Variants in BRD10 observed in about 807,000 individuals in gnomAD.
The protein encoded by BRD10 is uncharacterized bromodomain-containing protein 10.
the BRD10 span, among the ~76,000 whole-genome samples, chr9:5,991,788 C>T: frequency 1.3e-5 from 2 of 150,302 alleles, no homozygotes; most frequent in African/African-American, 2.4e-5. Flanking sequence ...CCTCCAAAGT[C>T]TTTCAGTTAG....
At chr9:5,945,860 G>C in the BRD10 span, among the ~76,000 whole-genome samples, 36,875 of 151,648 alleles carry the variant, frequency 0.24, 4,636 homozygotes, top group South Asian at 0.34. Flanking sequence ...AAAAATCTCA[G>C]ATTAATGAAA....
the BRD10 span, among the ~76,000 whole-genome samples, chr9:5,915,040 T>G: frequency 3.3e-5 from 5 of 152,244 alleles, no homozygotes; most frequent in African/African-American, 1.2e-4. Flanking sequence ...TTAGTATTTT[T>G]ATTAGTTTAG....
At chr9:5,920,099 A>G in the BRD10 span, 3 of 1,613,908 alleles carry the variant, frequency 1.9e-6, no homozygotes, top group Non-Finnish European at 2.5e-6. Context: ...AGAGTTTATA[A>G]ATTTTGTAGG....
the BRD10 span, among the ~76,000 whole-genome samples, chr9:5,913,572 A>G: frequency 1.3e-5 from 2 of 152,208 alleles, no homozygotes; most frequent in African/African-American, 4.8e-5. Flanking sequence ...GACAACTTGA[A>G]AACATAAAGA....
the BRD10 span, among the ~76,000 whole-genome samples, chr9:5,882,988 A>G: frequency 2.0e-5 from 3 of 152,082 alleles, no homozygotes; most frequent in African/African-American, 7.2e-5. Flanking sequence ...GAAGGGGAAC[A>G]TCACACACCG....
chr9:5,946,558 A>C, the BRD10 span, among the ~76,000 whole-genome samples: 1 of 152,112 alleles, frequency 6.6e-6, no homozygotes, highest in East Asian at 1.9e-4. Flanking sequence ...TTAAGTATTC[A>C]GTGAGGACTA....
chr9:5,972,996 T>C, the BRD10 span, among the ~76,000 whole-genome samples: 1 of 151,838 alleles, frequency 6.6e-6, no homozygotes, highest in Non-Finnish European at 1.5e-5. Flanking sequence ...AAAAACACAA[T>C]CTAAAGGAAA....
chr9:5,910,643 A>C, the BRD10 span: 1 of 152,240 alleles, frequency 6.6e-6, no homozygotes, highest in Non-Finnish European at 1.5e-5. Context: ...TCTGTGGAAA[A>C]GGCTCTCCTC....
chr9:5,891,992 CTGTT>C, the BRD10 span, among the ~76,000 whole-genome samples: 12 of 152,346 alleles, frequency 7.9e-5, no homozygotes, highest in South Asian at 2.3e-3. Context: ...ATCATAGCCT[CTGTT>C]TGTCTGTGGG....
At chr9:5,911,075 G>C in the BRD10 span, among the ~76,000 whole-genome samples, 2 of 152,164 alleles carry the variant, frequency 1.3e-5, no homozygotes, top group African/African-American at 4.8e-5. Flanking sequence ...TTTGGCTTTG[G>C]ATGCCTGTGC....
At chr9:5,969,445 A>G in the BRD10 span, 3 of 1,483,666 alleles carry the variant, frequency 2.0e-6, no homozygotes, top group African/African-American at 4.3e-5. Flanking sequence ...GCCTAAAGAA[A>G]TTTAACAAAT....
chr9:5,965,317 CA>C, the BRD10 span, among the ~76,000 whole-genome samples: 16 of 144,346 alleles, frequency 1.1e-4, no homozygotes, highest in South Asian at 2.2e-4. Flanking sequence ...AAAATAAATT[CA>C]AAAAAAAAAC....
At chr9:5,969,926 A>T in the BRD10 span, among the ~76,000 whole-genome samples, 1 of 152,170 alleles carries the variant, frequency 6.6e-6, no homozygotes, top group Non-Finnish European at 1.5e-5. Flanking sequence ...TACACATATC[A>T]CTTCAGTCTG....
chr9:5,988,538 T>C, the BRD10 span: 1 of 1,612,634 alleles, frequency 6.2e-7, no homozygotes, highest in East Asian at 2.2e-5. Flanking sequence ...GTCTTTTCTC[T>C]CAAGTGCCTT....
the BRD10 span, among the ~76,000 whole-genome samples, chr9:5,995,618 G>A: frequency 2.6e-5 from 4 of 152,094 alleles, no homozygotes; most frequent in African/African-American, 9.7e-5. Flanking sequence ...TCTTCCCAGA[G>A]ATCTCCCAGT....
At chr9:5,905,777 A>G in the BRD10 span, among the ~76,000 whole-genome samples, 1 of 152,174 alleles carries the variant, frequency 6.6e-6, no homozygotes, top group African/African-American at 2.4e-5. Flanking sequence ...TTTTACCTAC[A>G]ATTCCTGTCT....
the BRD10 span, among the ~76,000 whole-genome samples, chr9:5,981,297 A>G: frequency 2.0e-5 from 3 of 152,202 alleles, no homozygotes; most frequent in African/African-American, 7.2e-5. Flanking sequence ...TCTTCTCAAA[A>G]CAGTCTCTCC....
the BRD10 span, among the ~76,000 whole-genome samples, chr9:5,965,935 A>G: frequency 1.3e-5 from 2 of 152,192 alleles, no homozygotes; most frequent in Non-Finnish European, 2.9e-5. Flanking sequence ...TGTTATTATA[A>G]CAGTTTATGT....
the BRD10 span, among the ~76,000 whole-genome samples, chr9:5,990,409 A>G: frequency 3.9e-5 from 6 of 152,376 alleles, no homozygotes; most frequent in South Asian, 1.2e-3. Context: ...CATTGAGGAT[A>G]AAAATTCAGT....
Sources: gnomAD v4.1 joint callset for allele counts (sites outside exome capture counted in the v4.1 genomes callset) on GRCh38, gnomAD v4.1.1 for gene constraint, MANE v1.5 for transcripts, NCBI Gene and HGNC (gene_info 2026-07-23, HGNC 2026-07-21) for gene names.